Variants in NXPH1 observed in about 807,000 individuals in gnomAD.
The protein encoded by NXPH1 is neurexophilin-1.
NXPH1 carries 5 observed loss-of-function variants against 23.7 expected under a neutral mutation model. The observed-to-expected ratio is 0.21, with a 90% CI of 0.11 to 0.44. The LOEUF (loss-of-function observed/expected upper bound fraction) is 0.44, where lower values mean the gene tolerates loss of function less well. Ranked by LOEUF, NXPH1 falls within the 20% of genes least tolerant of loss-of-function variation. The pLI is 0.99. For synonymous variants in NXPH1, 144 were observed against 122.2 expected (o/e 1.18, Z -1.18); for missense variants, 324 against 321.6 (o/e 1.01, Z -0.06).
chr7:8,669,386 G>C (rs183445840), intron 2 of NXPH1, among the ~76,000 whole-genome samples: 2 of 152,116 alleles, frequency 1.3e-5, no homozygotes, highest in African/African-American at 4.8e-5. Context: ...ATGCTGGCCT[G>C]ATTACTAGGG....
At chr7:8,675,500 C>T (rs990662001) in intron 2 of NXPH1, among the ~76,000 whole-genome samples, 17 of 151,910 alleles carry the variant, frequency 1.1e-4, no homozygotes, top group African/African-American at 3.6e-4. Flanking sequence ...TTTATTCATT[C>T]GACAATCAGT....
intron 2 of NXPH1, among the ~76,000 whole-genome samples, chr7:8,737,938 C>T (rs919413726): frequency 2.0e-5 from 3 of 152,166 alleles, no homozygotes; most frequent in Non-Finnish European, 4.4e-5. Context: ...TACTGATACT[C>T]GTGTATGTTT....
chr7:8,671,625 A>AT (rs112442856), intron 2 of NXPH1, among the ~76,000 whole-genome samples: 2,924 of 152,238 alleles, frequency 0.019, 49 homozygotes, highest in Middle Eastern at 0.048. Context: ...TTTTGAGGTC[A>AT]TTTTAGGTCT....
rs149552912 is a variant in NXPH1, at chr7:8,608,488, C to T, written c.55-142520C>T. Among the ~76,000 whole-genome samples the T allele has an allele frequency of 3.6e-4, 55 of 152,082 alleles. No individual in the cohort carries two copies. The East Asian group carries it at 4.3e-3, about 12-fold the overall frequency. Reference sequence around the variant, plus strand: ...ATTAGCTGGGACTACAGTGATGTGTCGCCATGCCCAGCCTAGTGGTATTTT... The same window carrying T: ...ATTAGCTGGGACTACAGTGATGTGTTGCCATGCCCAGCCTAGTGGTATTTT... On this transcript the variant is annotated intron_variant, in intron 2 of 2. Coordinates refer to ENST00000405863, the MANE Select transcript of NXPH1 (RefSeq NM_152745.3).
intron 2 of NXPH1, among the ~76,000 whole-genome samples, chr7:8,660,985 C>CACCGTTAT (rs60758756): frequency 2.7e-5 from 4 of 149,432 alleles, no homozygotes; most frequent in Non-Finnish European, 5.9e-5. Context: ...AAGTGGCTAA[C>CACCGTTAT]ACATTGCCTT....
Position 8,667,205 on chromosome 7 carries a change from G to A in NXPH1, c.55-83803G>A, listed in dbSNP as rs576568107. 2.6e-5 allele frequency among the ~76,000 whole-genome samples: 4 copies of A among 151,974 alleles called. No homozygotes were observed. In the South Asian group the frequency reaches 8.3e-4, roughly 32 times the overall value. ...TTTTGCATTTTACTCTTTATACAAG[G>A]ATATGTGATAATTAGCCATTACATT... On this transcript the variant is annotated intron_variant, in intron 2 of 2. Transcript: ENST00000405863.
At chr7:8,493,136 T>C (rs1817279207) in intron 2 of NXPH1, among the ~76,000 whole-genome samples, 1 of 151,948 alleles carries the variant, frequency 6.6e-6, no homozygotes, top group Non-Finnish European at 1.5e-5. Context: ...TAAGGGGTTG[T>C]GGCCCTTTGA....
At chr7:8,462,110 G>A (rs1816706177) in intron 2 of NXPH1, among the ~76,000 whole-genome samples, 1 of 152,048 alleles carries the variant, frequency 6.6e-6, no homozygotes, top group Non-Finnish European at 1.5e-5. Flanking sequence ...GTGCAGTGGC[G>A]TGATCTCGGC....
rs566722222 is a variant in NXPH1, at chr7:8,685,621, C to A, written c.55-65387C>A. Among the ~76,000 whole-genome samples the A allele has an allele frequency of 1.5e-4, 23 of 152,148 alleles. No individual in the cohort carries two copies. The South Asian group carries it at 3.9e-3, about 26-fold the overall frequency. Reference sequence around the variant, plus strand: ...TGATTTCCTTTCTTTTGGGTATGTACCCAGCAGTAGGATTGTTGGATCATA... The same window carrying A: ...TGATTTCCTTTCTTTTGGGTATGTAACCAGCAGTAGGATTGTTGGATCATA... On this transcript the variant is annotated intron_variant, in intron 2 of 2. Transcript: ENST00000405863.
chr7:8,564,730 T>C (rs1253766611), intron 2 of NXPH1, among the ~76,000 whole-genome samples: 1 of 151,806 alleles, frequency 6.6e-6, no homozygotes, highest in East Asian at 2.0e-4. Flanking sequence ...CCAGGTGAAG[T>C]GTGGTCCATT....
At chr7:8,571,475 G>T (rs1818646533) in intron 2 of NXPH1, among the ~76,000 whole-genome samples, 1 of 151,686 alleles carries the variant, frequency 6.6e-6, no homozygotes, top group Non-Finnish European at 1.5e-5. Context: ...ATATTAAGCA[G>T]CCTGTAGGAC....
chr7:8,570,265 T>C lies in NXPH1; in HGVS notation c.54+134498T>C, dbSNP rs531626537. Among the ~76,000 whole-genome samples the C allele has an allele frequency of 3.9e-5, 6 of 152,062 alleles. No individual in the cohort carries two copies. In the East Asian group the frequency reaches 1.2e-3, roughly 30 times the overall value. On this transcript the variant is annotated intron_variant, in intron 2 of 2. Transcript: ENST00000405863. ...GTTCAACTTGGTAACTAAAGTGAGA[T>C]ATGATAATGGAGGCAGCATAGTTAA...
At chr7:8,599,877 T>C (rs10232665) in intron 2 of NXPH1, among the ~76,000 whole-genome samples, 41,440 of 151,208 alleles carry the variant, frequency 0.27, 6,169 homozygotes, top group African/African-American at 0.36. Context: ...TTTTCATCTT[T>C]AGTCATTATT....
At chr7:8,597,795 T>G (rs1176909623) in intron 2 of NXPH1, among the ~76,000 whole-genome samples, 1 of 152,054 alleles carries the variant, frequency 6.6e-6, no homozygotes, top group Non-Finnish European at 1.5e-5. Flanking sequence ...AGTCATTCTT[T>G]AGCTACTGTT....
At chr7:8,642,794 C>T (rs917774071) in intron 2 of NXPH1, among the ~76,000 whole-genome samples, 2 of 152,080 alleles carry the variant, frequency 1.3e-5, no homozygotes, top group African/African-American at 4.8e-5. Context: ...CTTTCACTTT[C>T]ACTGACTTTA....
At chr7:8,446,555 T>A (rs753490305) in intron 2 of NXPH1, among the ~76,000 whole-genome samples, 1 of 152,226 alleles carries the variant, frequency 6.6e-6, no homozygotes, top group Admixed American at 6.5e-5. Context: ...GATTTTAGCA[T>A]CAAACATAAT....
At chr7:8,743,785 G>A (rs1397788917) in intron 2 of NXPH1, among the ~76,000 whole-genome samples, 1 of 151,260 alleles carries the variant, frequency 6.6e-6, no homozygotes, top group African/African-American at 2.4e-5. Flanking sequence ...CCGAGTTCAT[G>A]CTGTTCTCCC....
intron 2 of NXPH1, among the ~76,000 whole-genome samples, chr7:8,718,614 A>G (rs993446321): frequency 1.3e-5 from 2 of 152,216 alleles, no homozygotes; most frequent in African/African-American, 4.8e-5. Context: ...ACAGGGGGCA[A>G]GAGTTAATAG....
chr7:8,445,167 T>C (rs759900605), intron 2 of NXPH1, among the ~76,000 whole-genome samples: 26 of 152,212 alleles, frequency 1.7e-4, no homozygotes, highest in Admixed American at 6.5e-4. Context: ...TATATTGAAG[T>C]AATAAGCCTG....
Sources: allele counts gnomAD v4.1 joint callset (sites outside exome capture counted in the v4.1 genomes callset), GRCh38; gene constraint gnomAD v4.1.1; transcripts MANE v1.5; gene names NCBI Gene and HGNC (gene_info 2026-07-23, HGNC 2026-07-21).